Variants in MCTP1 observed in about 807,000 individuals in gnomAD.
MCTP1 encodes multiple C2 and transmembrane domain containing 1.
In MCTP1, 69 loss-of-function variants were observed where a neutral mutation model predicts 120.6. The ratio of observed to expected loss-of-function variants is 0.57; its 90% CI spans 0.47 to 0.70. The LOEUF (loss-of-function observed/expected upper bound fraction) is 0.70. Ranked by LOEUF, MCTP1 falls within the 30% of genes least tolerant of loss-of-function variation. The pLI is 0.00. For synonymous variants in MCTP1, 529 were observed against 493.1 expected, an observed-to-expected ratio of 1.07 and a Z score of -0.96; for missense variants, 1,203 against 1,248.8, an observed-to-expected ratio of 0.96 and a Z score of 0.55.
intron 10 of MCTP1, among the ~76,000 whole-genome samples, chr5:94,897,176 A>C (rs965497557): frequency 6.7e-6 from 1 of 148,506 alleles, no homozygotes; most frequent in Non-Finnish European, 1.5e-5. Context: ...GATTCTTCCC[A>C]CTTCAGCCTC....
intron 4 of MCTP1, among the ~76,000 whole-genome samples, chr5:94,941,321 C>T (rs1817658359): frequency 6.6e-6 from 1 of 151,908 alleles, no homozygotes; most frequent in Non-Finnish European, 1.5e-5. Context: ...GAGGTGTGAG[C>T]CTGTGCTAGG....
At chr5:95,275,636 T>C (rs1384442061) in intron 1 of MCTP1, among the ~76,000 whole-genome samples, 1 of 152,196 alleles carries the variant, frequency 6.6e-6, no homozygotes, top group Non-Finnish European at 1.5e-5. Context: ...GCAATCAATA[T>C]AAAAAGTTTA....
chr5:94,758,245 ATAAT>A (rs1187475177), intron 19 of MCTP1, among the ~76,000 whole-genome samples: 1 of 152,248 alleles, frequency 6.6e-6, no homozygotes, highest in African/African-American at 2.4e-5. Flanking sequence ...AATTGAATAA[ATAAT>A]TCATATTTGA....
intron 12 of MCTP1, among the ~76,000 whole-genome samples, chr5:94,887,120 G>T (rs1276717933): frequency 1.3e-5 from 2 of 152,108 alleles, no homozygotes; most frequent in African/African-American, 4.8e-5. Context: ...AGGTCAGCGT[G>T]AAATGGGGAA....
intron 1 of MCTP1, among the ~76,000 whole-genome samples, chr5:95,029,128 C>A (rs1485984398): frequency 6.7e-6 from 1 of 149,126 alleles, no homozygotes; most frequent in African/African-American, 2.5e-5. Flanking sequence ...TGCACTACAG[C>A]CTGGGTGACA....
At chr5:95,227,667 A>G (rs905617758) in intron 1 of MCTP1, among the ~76,000 whole-genome samples, 1 of 152,220 alleles carries the variant, frequency 6.6e-6, no homozygotes, top group African/African-American at 2.4e-5. Context: ...TTCTAGTGAC[A>G]GGCTGTGTCT....
chr5:95,102,751 G>T (rs930924910), intron 1 of MCTP1, among the ~76,000 whole-genome samples: 1 of 152,172 alleles, frequency 6.6e-6, no homozygotes, highest in East Asian at 1.9e-4. Flanking sequence ...TAAGGGTAGG[G>T]ATCACAGGAA....
At chr5:94,835,063 C>T (rs906181730) in intron 17 of MCTP1, among the ~76,000 whole-genome samples, 3 of 151,996 alleles carry the variant, frequency 2.0e-5, no homozygotes, top group African/African-American at 4.8e-5. Flanking sequence ...GTGATCCACC[C>T]GCCTCAGCCT....
At chr5:95,103,938 T>G (rs1198273452) in intron 1 of MCTP1, among the ~76,000 whole-genome samples, 1 of 152,244 alleles carries the variant, frequency 6.6e-6, no homozygotes, top group East Asian at 1.9e-4. Context: ...GGGGGTGTAC[T>G]GAACAAAATT....
chr5:94,988,669 T>C (rs1009476655), intron 2 of MCTP1, among the ~76,000 whole-genome samples: 2 of 150,082 alleles, frequency 1.3e-5, no homozygotes, highest in African/African-American at 4.9e-5. Flanking sequence ...TTTGGTTAGG[T>C]CCAGTGGCTC....
At chr5:95,092,690 GA>G (rs1414144194) in intron 1 of MCTP1, among the ~76,000 whole-genome samples, 22 of 150,972 alleles carry the variant, frequency 1.5e-4, no homozygotes, top group South Asian at 2.1e-4. Flanking sequence ...GAAAGAAAAA[GA>G]AAAAAAGAAA....
In MCTP1 at chr5:94,736,022, A is replaced by G. The variant is rs182454428; in HGVS notation, c.2611-21136T>C. 5.2e-4 allele frequency among the ~76,000 whole-genome samples: 79 copies of G among 152,328 alleles called. 2 individuals carry two copies. In the South Asian group the frequency reaches 0.01, roughly 20 times the overall value. ...CCCCTGGTTTTGGACCTTGCTAACC[A>G]TTATGTATGTCCATGTGTACCTTAC... is the stretch of plus-strand genomic sequence containing the variant. On this transcript the variant is annotated intron_variant, in intron 19 of 22. Coordinates refer to ENST00000515393, the MANE Select transcript of MCTP1 (RefSeq NM_024717.7).
chr5:94,848,068 C>T (rs1436439160), intron 17 of MCTP1, among the ~76,000 whole-genome samples: 1 of 151,890 alleles, frequency 6.6e-6, no homozygotes. Flanking sequence ...AGATGATCTA[C>T]ATTTGTAGCT....
intron 18 of MCTP1, among the ~76,000 whole-genome samples, chr5:94,786,185 T>C (rs1281911068): frequency 6.6e-6 from 1 of 152,172 alleles, no homozygotes; most frequent in East Asian, 1.9e-4. Context: ...CAATCTGTTT[T>C]GGGTCATAAA....
At chr5:94,988,945 G>A (rs970996625) in intron 2 of MCTP1, among the ~76,000 whole-genome samples, 1 of 152,068 alleles carries the variant, frequency 6.6e-6, no homozygotes, top group Non-Finnish European at 1.5e-5. Context: ...CATGAGAACT[G>A]GATGGGGGAA....
chr5:94,845,601 A>G (rs1792154888), intron 17 of MCTP1, among the ~76,000 whole-genome samples: 1 of 152,034 alleles, frequency 6.6e-6, no homozygotes, highest in South Asian at 2.1e-4. Context: ...CTGGAGTGCA[A>G]TGGCATGATC....
At position 95,229,318 on chromosome 5, in the gene MCTP1, A is replaced by G. The variant is rs73142021; in HGVS notation, c.720+54538T>C. Among the ~76,000 whole-genome samples, 606 of 152,304 alleles carry G rather than the reference A, an allele frequency of 4.0e-3. 9 individuals carry two copies. Among genetic ancestry groups the G allele is most frequent in the African/African-American group, 0.012 (513 of 41,562 alleles). ...AGGCTAACTGCTGACCTAAAACACTAATGAACTATATCCCAGATAGTGACC... is the reference window on the plus strand; with the variant it reads ...AGGCTAACTGCTGACCTAAAACACTGATGAACTATATCCCAGATAGTGACC... On this transcript the variant is annotated intron_variant, in intron 1 of 22. Coordinates refer to ENST00000515393, the MANE Select transcript of MCTP1 (RefSeq NM_024717.7).
At chr5:94,938,719 C>A (rs759644494) in intron 5 of MCTP1, among the ~76,000 whole-genome samples, 1 of 151,982 alleles carries the variant, frequency 6.6e-6, no homozygotes, top group Non-Finnish European at 1.5e-5. Context: ...AAAGTAGGTT[C>A]TCGGAGAATA....
At chr5:94,807,709 A>C (rs1286459537) in intron 17 of MCTP1, among the ~76,000 whole-genome samples, 2 of 35,102 alleles carry the variant, frequency 5.7e-5, no homozygotes, top group African/African-American at 2.4e-4. Context: ...CTAGGATGGG[A>C]GAAGGGAAAT....
Sources: gnomAD v4.1 joint callset for allele counts (sites outside exome capture counted in the v4.1 genomes callset) on GRCh38, gnomAD v4.1.1 for gene constraint, MANE v1.5 for transcripts, NCBI Gene and HGNC (gene_info 2026-07-23, HGNC 2026-07-21) for gene names.